Variants in TMEM132D observed in about 807,000 individuals in gnomAD.
The protein encoded by TMEM132D is transmembrane protein 132D, also known as mature OL transmembrane protein.
Under a neutral mutation model 62.3 loss-of-function variants are expected in TMEM132D, and 21 were observed. That is an observed-to-expected ratio of 0.34 (90% CI 0.24 to 0.49). The LOEUF is 0.49. Ranked by LOEUF, TMEM132D falls within the 20% of genes least tolerant of loss-of-function variation. The pLI is 0.99. For synonymous variants in TMEM132D, 621 were observed against 575.6 expected, an observed-to-expected ratio of 1.08 and a Z score of -1.13; for missense variants, 1,346 against 1,402.8, an observed-to-expected ratio of 0.96 and a Z score of 0.65.
intron 1 of TMEM132D, among the ~76,000 whole-genome samples, chr12:129,736,349 G>A (rs775066308): frequency 4.6e-5 from 7 of 152,140 alleles, no homozygotes; most frequent in Non-Finnish European, 8.8e-5. Context: ...AATACAGCTC[G>A]TGGAGAGAAA....
chr12:129,460,237 A>G (rs773631856), intron 3 of TMEM132D, among the ~76,000 whole-genome samples: 2 of 152,116 alleles, frequency 1.3e-5, no homozygotes, highest in Non-Finnish European at 2.9e-5. Flanking sequence ...GTGCTTGTGT[A>G]TTCCCGTGAT....
chr12:129,761,030 T>A (rs1233818857), intron 1 of TMEM132D, among the ~76,000 whole-genome samples: 1 of 148,364 alleles, frequency 6.7e-6, no homozygotes, highest in African/African-American at 2.6e-5. Flanking sequence ...TTAGTGTTAG[T>A]GGGGAAAAGA....
chr12:129,166,172 T>C (rs1877539536), intron 5 of TMEM132D, among the ~76,000 whole-genome samples: 1 of 152,196 alleles, frequency 6.6e-6, no homozygotes, highest in African/African-American at 2.4e-5. Context: ...CCACAGGGCT[T>C]AGGCAGGTAA....
intron 2 of TMEM132D, among the ~76,000 whole-genome samples, chr12:129,646,456 CCACA>C (rs1879780117): frequency 6.6e-6 from 1 of 152,092 alleles, no homozygotes; most frequent in South Asian, 2.1e-4. Context: ...AGGGTATCTC[CCACA>C]TAGGCTGTCA....
chr12:129,167,158 TAAAAAAA>T (rs758480068), intron 5 of TMEM132D, among the ~76,000 whole-genome samples: 3 of 97,760 alleles, frequency 3.1e-5, no homozygotes, highest in Non-Finnish European at 5.6e-5. Flanking sequence ...AGACTCTGTT[TAAAAAAA>T]AAAAACAAAA....
In TMEM132D at chr12:129,801,262, G is replaced by A. The variant is rs551328433; in HGVS notation, c.80-100564C>T. Among the ~76,000 whole-genome samples, 684 of 152,318 alleles carry A rather than the reference G, an allele frequency of 4.5e-3. 8 individuals carry two copies. Among genetic ancestry groups the A allele is most frequent in the African/African-American group, 0.016 (660 of 41,582 alleles). On this transcript the variant is annotated intron_variant, in intron 1 of 8. Transcript: ENST00000422113. ...TGCCTCTGTAGGCTCCACCTCTGGG[G>A]GCAGGGCACAGACAAATAAAAAGAC...
At chr12:129,728,156 C>T (rs12579340) in intron 1 of TMEM132D, among the ~76,000 whole-genome samples, 15,756 of 152,256 alleles carry the variant, frequency 0.1, 1,086 homozygotes, top group East Asian at 0.18. Flanking sequence ...GAATGTCCCA[C>T]ATCAATCCAT....
rs537427885 is a variant in TMEM132D, at chr12:129,381,407, C to T, written c.1116-43590G>A. 6.8e-4 allele frequency among the ~76,000 whole-genome samples: 103 copies of T among 152,284 alleles called. 1 individual carries two copies. Among genetic ancestry groups the T allele is most frequent in the African/African-American group, 2.4e-3 (98 of 41,558 alleles). On this transcript the variant is annotated intron_variant, in intron 3 of 8. Coordinates refer to ENST00000422113, the MANE Select transcript of TMEM132D (RefSeq NM_133448.3). The stretch of plus-strand genomic sequence containing the variant: ...TGGAAAACACTTCTTTTCACATTTC[C>T]AAGCAACTTGAAATTGCAGCTTTTC...
chr12:129,414,844 A>G (rs1444650004), intron 3 of TMEM132D, among the ~76,000 whole-genome samples: 1 of 152,112 alleles, frequency 6.6e-6, no homozygotes, highest in East Asian at 1.9e-4. Flanking sequence ...TCTGGTCACC[A>G]CCATTCTACT....
chr12:129,465,512 T>A (rs2137042861), intron 3 of TMEM132D, among the ~76,000 whole-genome samples: 1 of 152,340 alleles, frequency 6.6e-6, no homozygotes, highest in Admixed American at 6.5e-5. Context: ...AAATTGTCCC[T>A]GTTTGCAGAT....
intron 1 of TMEM132D, among the ~76,000 whole-genome samples, chr12:129,838,953 CT>C (rs576777558): frequency 1.7e-3 from 226 of 133,180 alleles, no homozygotes; most frequent in Middle Eastern, 7.6e-3. Context: ...ACTTAAAACT[CT>C]TTTTTTTTTT....
At chr12:129,871,181 G>A (rs924075926) in intron 1 of TMEM132D, among the ~76,000 whole-genome samples, 1 of 152,160 alleles carries the variant, frequency 6.6e-6, no homozygotes, top group East Asian at 1.9e-4. Flanking sequence ...GAACTAAACA[G>A]TGATTCGTTC....
chr12:129,415,011 T>C (rs1309544217), intron 3 of TMEM132D, among the ~76,000 whole-genome samples: 1 of 152,252 alleles, frequency 6.6e-6, no homozygotes, highest in Non-Finnish European at 1.5e-5. Flanking sequence ...TCTCACTTCA[T>C]GCTGAATAAA....
At chr12:129,356,654 C>CAAAAAAATA (rs34719078) in intron 3 of TMEM132D, among the ~76,000 whole-genome samples, 1 of 116,072 alleles carries the variant, frequency 8.6e-6, no homozygotes, top group African/African-American at 3.0e-5. Flanking sequence ...CCTGTCTCTA[C>CAAAAAAATA]AATAAATAAA....
chr12:129,223,293 A>G (rs1879395943), intron 4 of TMEM132D, among the ~76,000 whole-genome samples: 1 of 151,914 alleles, frequency 6.6e-6, no homozygotes, highest in South Asian at 2.1e-4. Flanking sequence ...GCTAGGTCCT[A>G]AAAGCCAAGA....
intron 2 of TMEM132D, among the ~76,000 whole-genome samples, chr12:129,630,119 G>A (rs1879316891): frequency 6.6e-6 from 1 of 152,170 alleles, no homozygotes; most frequent in African/African-American, 2.4e-5. Context: ...AGATTTTCCA[G>A]ATATCCCAGC....
At chr12:129,584,435 C>T (rs770560116) in intron 2 of TMEM132D, among the ~76,000 whole-genome samples, 2 of 152,220 alleles carry the variant, frequency 1.3e-5, no homozygotes, top group Non-Finnish European at 2.9e-5. Flanking sequence ...TCACGACCTT[C>T]GAGCATGGCT....
At chr12:129,890,057 T>G (rs1329973569) in intron 1 of TMEM132D, among the ~76,000 whole-genome samples, 1 of 152,174 alleles carries the variant, frequency 6.6e-6, no homozygotes, top group Non-Finnish European at 1.5e-5. Context: ...TTTAATAAGA[T>G]GAGTATTTCT....
intron 1 of TMEM132D, among the ~76,000 whole-genome samples, chr12:129,902,903 C>G (rs893792954): frequency 6.6e-6 from 1 of 152,248 alleles, no homozygotes; most frequent in South Asian, 2.1e-4. Context: ...CCTCCTCCCC[C>G]GACAGCCGGC....
Sources: gnomAD v4.1 joint callset for allele counts (sites outside exome capture counted in the v4.1 genomes callset) on GRCh38, gnomAD v4.1.1 for gene constraint, MANE v1.5 for transcripts, NCBI Gene and HGNC (gene_info 2026-07-23, HGNC 2026-07-21) for gene names.